Variants in EFCAB8 observed in about 807,000 individuals in gnomAD.
The protein encoded by EFCAB8 is EF-hand calcium-binding domain-containing protein 8.
A neutral mutation model predicts 116.3 loss-of-function variants in EFCAB8; 100 were observed. That is an observed-to-expected ratio of 0.86 (90% confidence interval 0.73 to 1.02). EFCAB8 has a LOEUF of 1.02. Among genes scored for constraint, EFCAB8 ranks in the 50% least tolerant of loss-of-function variants. The pLI is 0.00. For synonymous variants in EFCAB8, 558 were observed against 567.9 expected (o/e 0.98, Z 0.25); for missense variants, 1,320 against 1,416.9 (o/e 0.93, Z 1.10).
intron 7 of EFCAB8, among the ~76,000 whole-genome samples, chr20:32,891,712 C>T (rs1985921486): frequency 6.6e-6 from 1 of 152,112 alleles, no homozygotes; most frequent in African/African-American, 2.4e-5. Context: ...TGGCCGGCCA[C>T]GTAGAGAGGC....
At position 32,902,730 on chromosome 20, in the gene EFCAB8, G is replaced by A. The variant is rs937582785; in HGVS notation, c.1089-3832G>A. Reference sequence around the variant, plus strand: ...TGCCATCTTAGGGCATATCCTCTGCGGGTGGGGCCTGGCATTGGCACCCCA... The same window carrying A: ...TGCCATCTTAGGGCATATCCTCTGCAGGTGGGGCCTGGCATTGGCACCCCA... On this transcript the variant is annotated intron_variant, in intron 11 of 26. Transcript: ENST00000400522. Among the ~76,000 whole-genome samples the A allele has an allele frequency of 7.2e-5, 11 of 152,210 alleles. No homozygotes were observed. In the South Asian group the frequency reaches 1.4e-3, roughly 20 times the overall value.
At position 32,920,198 on chromosome 20, in the gene EFCAB8, A is replaced by G. The variant is rs768958022; in HGVS notation, c.2395A>G (p.Ser799Gly). Reference sequence around the variant, plus strand: ...GCAGAAGAATATGTTGGTTCAATCCAGTGCCTCGGTGGAGAAGGTTGGCCG... The same window carrying G: ...GCAGAAGAATATGTTGGTTCAATCCGGTGCCTCGGTGGAGAAGGTTGGCCG... The part of the protein sequence containing the change: ...EWQKNMLVQS[S>G]ASVEKIIFLQ... Residue 799 changes from serine (S) to glycine (G), a missense_variant, in exon 20 of 27, where the codon AGT becomes GGT. By Grantham distance (56) the Ser-to-Gly change is moderately conservative. Transcript: ENST00000400522. 1 of 1,551,544 alleles carries G rather than the reference A, an allele frequency of 6.4e-7. No homozygotes were observed. The highest frequency in any genetic ancestry group is 8.7e-7 in the Non-Finnish European group (1 of 1,146,982).
At chr20:32,913,696 G>T (rs1391094071) in intron 17 of EFCAB8, among the ~76,000 whole-genome samples, 1 of 123,836 alleles carries the variant, frequency 8.1e-6, no homozygotes, top group Non-Finnish European at 1.6e-5. Flanking sequence ...CTCTAGCTGT[G>T]AACCTGTGAT....
intron 17 of EFCAB8, 153 bp from the exon 18 acceptor site, chr20:32,917,148 G>T: frequency 1.6e-6 from 1 of 625,576 alleles, no homozygotes; most frequent in Non-Finnish European, 2.8e-6. Flanking sequence ...TAGTAAATGA[G>T]GTCAATGGGA....
rs915499328 is a variant in EFCAB8, at chr20:32,959,785, C to G, written c.3097C>G (p.Arg1033Gly). The change falls in exon 25 of 27, where the codon CGG becomes GGG. Residue 1033 changes from arginine to glycine, a missense_variant. By Grantham distance (125) the Arg-to-Gly change is moderately radical (BLOSUM62 -2). Transcript: ENST00000400522. ...GGAAAGCCCCCACACTAGGGAGCAGCGGGATCTGGCTGAGGCCCTGATATA... is the reference window on the plus strand; with the variant it reads ...GGAAAGCCCCCACACTAGGGAGCAGGGGGATCTGGCTGAGGCCCTGATATA... ...KVLHLELQEQRDLAEALIYQR... is the reference protein window; with the variant it reads ...KVLHLELQEQGDLAEALIYQR... 10 of 1,491,612 alleles carry G rather than the reference C, an allele frequency of 6.7e-6. No homozygotes were observed. The African/African-American group carries it at 1.3e-4, about 19-fold the overall frequency. The allele number at this position is 1,491,612 out of a possible 1,614,324, so 92.4% of individuals were successfully genotyped here.
intron 17 of EFCAB8, 166 bp from the exon 18 acceptor site, chr20:32,917,135 G>A (rs1040146286): frequency 3.1e-5 from 19 of 608,284 alleles, no homozygotes; most frequent in Non-Finnish European, 5.2e-5. Context: ...TGTAGTAAGC[G>A]CTTAGTAAAT....
At chr20:32,950,374 A>T (rs1211700659) in intron 23 of EFCAB8, among the ~76,000 whole-genome samples, 4 of 152,240 alleles carry the variant, frequency 2.6e-5, no homozygotes, top group Non-Finnish European at 5.9e-5. Flanking sequence ...AGGTTTGAAT[A>T]GACACTTCAC....
chr20:32,860,786 T>G (rs974659438), intron 1 of EFCAB8, among the ~76,000 whole-genome samples: 2 of 152,132 alleles, frequency 1.3e-5, no homozygotes, highest in African/African-American at 4.8e-5. Flanking sequence ...ACCCAGGCCC[T>G]GGAGTGCAGT....
chr20:32,863,902 C>A (rs951095924), intron 2 of EFCAB8, 68 bp downstream of exon 2: 2 of 1,520,010 alleles, frequency 1.3e-6, no homozygotes, highest in Non-Finnish European at 1.8e-6. Context: ...ACCTCACTTA[C>A]CAGCATGGAA....
intron 3 of EFCAB8, among the ~76,000 whole-genome samples, chr20:32,868,166 C>G (rs1351098639): frequency 6.6e-6 from 1 of 152,142 alleles, no homozygotes; most frequent in African/African-American, 2.4e-5. Flanking sequence ...TCAAGTGATC[C>G]TCCTGCCTTG....
At chr20:32,871,774 G>A (rs1343978821) in intron 3 of EFCAB8, among the ~76,000 whole-genome samples, 1 of 152,134 alleles carries the variant, frequency 6.6e-6, no homozygotes, top group Admixed American at 6.5e-5. Flanking sequence ...GGAGGGAAGA[G>A]GGGACATGCC....
rs375900216 is a variant in EFCAB8, at chr20:32,867,669, C to T, written c.130C>T (p.Pro44Ser). ...ITLSQVPDLQPGSQLFTEIHL... is the reference protein window; with the variant it reads ...ITLSQVPDLQSGSQLFTEIHL... ...CCTTAGCCAGGTGCCTGACCTCCAG[C>T]CTGGGTCCCAGCTGTTTACTGAGAT... Residue 44 changes from proline to serine, a missense_variant, in exon 3 of 27, where the codon CCT (proline) becomes TCT (serine). Transcript: ENST00000400522. The T allele has an allele frequency of 1.3e-5, 20 of 1,551,542 alleles. No individual in the cohort carries two copies. The highest frequency in any genetic ancestry group is 1.7e-5 in the Non-Finnish European group (19 of 1,146,994).
At chr20:32,894,059 G>A (rs141025647) in intron 9 of EFCAB8, among the ~76,000 whole-genome samples, 190 of 152,292 alleles carry the variant, frequency 1.2e-3, no homozygotes, top group African/African-American at 4.4e-3. Context: ...TGCCCAGGTC[G>A]CTAGATCCCC....
intron 23 of EFCAB8, among the ~76,000 whole-genome samples, chr20:32,953,113 C>G (rs1338636008): frequency 6.6e-6 from 1 of 152,120 alleles, no homozygotes; most frequent in Non-Finnish European, 1.5e-5. Context: ...TAGCATAATG[C>G]CCTCAATATT....
intron 23 of EFCAB8, 83 bp downstream of exon 23, chr20:32,943,887 G>A (rs548518034): frequency 4.8e-6 from 2 of 412,944 alleles, no homozygotes; most frequent in East Asian, 7.1e-5. Flanking sequence ...TATGAACTTT[G>A]TACTCTGTGG....
In EFCAB8 at chr20:32,930,423, G is replaced by T; in HGVS notation, c.2438G>T (p.Arg813Leu). 1 of 1,551,294 alleles carries T rather than the reference G, an allele frequency of 6.4e-7. No individual in the cohort carries two copies. Among genetic ancestry groups the T allele is most frequent in the Non-Finnish European group, 8.7e-7 (1 of 1,146,990 alleles). The change falls in exon 21 of 27, where the codon CGC becomes CTC. Residue 813 changes from arginine to leucine, a missense_variant. Arg to Leu is a moderately radical substitution (Grantham distance 102). Coordinates refer to ENST00000400522, the MANE Select transcript of EFCAB8 (RefSeq NM_001143967.2). ...EKIIFLQTRP[R>L]LPHTAALLSS... ...ATAATCTTCCTGCAGACCAGGCCTC[G>T]CCTGCCGCACACGGCTGCCCTGCTG... is the stretch of plus-strand genomic sequence containing the variant.
At chr20:32,948,437 C>T (rs6120054) in intron 23 of EFCAB8, among the ~76,000 whole-genome samples, 45,839 of 151,230 alleles carry the variant, frequency 0.3, 7,458 homozygotes, top group African/African-American at 0.34. Context: ...GAAACTCTTC[C>T]AGAAAGTTGA....
At chr20:32,907,487 C>T (rs1986731244) in intron 13 of EFCAB8, among the ~76,000 whole-genome samples, 1 of 152,218 alleles carries the variant, frequency 6.6e-6, no homozygotes, top group Admixed American at 6.5e-5. Flanking sequence ...CCACTGTGCT[C>T]CTCTGCAGCT....
intron 22 of EFCAB8, among the ~76,000 whole-genome samples, chr20:32,935,874 A>G (rs1988102862): frequency 2.0e-5 from 3 of 151,930 alleles, no homozygotes; most frequent in Admixed American, 2.0e-4. Flanking sequence ...TTTATTGTGG[A>G]TGTTACTCCC....
Sources: gnomAD v4.1 joint callset for allele counts (sites outside exome capture counted in the v4.1 genomes callset) on GRCh38, gnomAD v4.1.1 for gene constraint, MANE v1.5 for transcripts, NCBI Gene and HGNC (gene_info 2026-07-23, HGNC 2026-07-21) for gene names.